The following SETDB2 variants were observed in gnomAD, a reference collection of about 807,000 sequenced individuals.
SETDB2 encodes the protein histone-lysine N-methyltransferase SETDB2.
In SETDB2, 56 loss-of-function variants were observed where a neutral mutation model predicts 82.5. The observed-to-expected ratio is 0.68, with a 90% CI of 0.55 to 0.85. The LOEUF is 0.85. SETDB2 is among the 40% of genes least tolerant of loss of function. SETDB2 has a pLI of 0.00. For missense variants in SETDB2, 677 were observed against 816.4 expected (o/e 0.83, Z 2.08); for synonymous variants, 272 against 284.9 (o/e 0.95, Z 0.46).
intron 2 of SETDB2, among the ~76,000 whole-genome samples, chr13:49,458,599 T>C (rs546871573): frequency 6.6e-6 from 1 of 152,356 alleles, no homozygotes; most frequent in African/African-American, 2.4e-5. Flanking sequence ...TCTTATTCTG[T>C]ATGTTCTCCC....
chr13:49,490,279 C>CAAA (rs60013535), intron 12 of SETDB2, among the ~76,000 whole-genome samples: 5,136 of 83,098 alleles, frequency 0.062, 874 homozygotes, highest in African/African-American at 0.21. Context: ...GACTCCGTCT[C>CAAA]AAAAAAAAAA....
At chr13:49,481,247 G>A (rs1257044891) in intron 8 of SETDB2, 131 bp downstream of exon 8, 3 of 743,328 alleles carry the variant, frequency 4.0e-6, no homozygotes, top group Non-Finnish European at 6.3e-6. Context: ...GAACATCAGA[G>A]AAAGGCAGGT....
chr13:49,485,139 G>T (rs1958570917), intron 10 of SETDB2, among the ~76,000 whole-genome samples: 1 of 152,226 alleles, frequency 6.6e-6, no homozygotes, highest in South Asian at 2.1e-4. Flanking sequence ...CAAGCATTGT[G>T]CTGAGTATAT....
At chr13:49,475,314 G>C (rs1958333693) in intron 5 of SETDB2, among the ~76,000 whole-genome samples, 2 of 152,142 alleles carry the variant, frequency 1.3e-5, no homozygotes, top group African/African-American at 2.4e-5. Context: ...TTCAAGATGA[G>C]ATTTGGGTAG....
intron 2 of SETDB2, among the ~76,000 whole-genome samples, chr13:49,457,726 T>TA: frequency 6.6e-6 from 1 of 152,106 alleles, no homozygotes; most frequent in East Asian, 1.9e-4. Context: ...ACCTAGCCTC[T>TA]AAAACAATTT....
intron 2 of SETDB2, among the ~76,000 whole-genome samples, chr13:49,455,339 G>A (rs4942831): frequency 0.74 from 112,412 of 151,978 alleles, 42,014 homozygotes; most frequent in African/African-American, 0.84. Context: ...TTGGAGTGTG[G>A]AGTCTGACAT....
rs546268851 is a variant in SETDB2, at chr13:49,463,779, A to T, written c.208+2617A>T. 3.3e-5 allele frequency among the ~76,000 whole-genome samples: 5 copies of T among 152,308 alleles called. 1 individual carries two copies. Among genetic ancestry groups the T allele is most frequent in the African/African-American group, 1.2e-4 (5 of 41,562 alleles). On this transcript the variant is annotated intron_variant, in intron 4 of 13. Coordinates refer to ENST00000611815, the MANE Select transcript of SETDB2 (RefSeq NM_001160308.3). The stretch of plus-strand genomic sequence containing the variant: ...GAAGTTACTAGTTACAGAGAACAGG[A>T]ATCTATACACTCATACCATAAGAGA...
Position 49,483,447 on chromosome 13 carries a change from T to A in SETDB2, c.1383-17T>A, listed in dbSNP as rs1207090780. 1 of 1,081,762 alleles carries A rather than the reference T, an allele frequency of 9.2e-7. No homozygotes were observed. The allele number at this position is 1,081,762 out of a possible 1,614,324, so 67.0% of individuals were successfully genotyped here. ...AGAATTTTTAGTGATACAGAATAAC[T>A]TTTTTTTCCTTTTTAGGGAAACGAA... is the stretch of plus-strand genomic sequence containing the variant. On this transcript the variant is annotated splice_polypyrimidine_tract_variant and intron_variant, in intron 9 of 13. Transcript: ENST00000611815.
At chr13:49,485,191 A>G (rs1958573177) in intron 10 of SETDB2, among the ~76,000 whole-genome samples, 1 of 152,258 alleles carries the variant, frequency 6.6e-6, no homozygotes, top group Admixed American at 6.5e-5. Flanking sequence ...AAGTGACTGC[A>G]GTGTCTACAA....
Position 49,494,535 on chromosome 13 carries a change from C to T in SETDB2, c.*2686C>T, listed in dbSNP as rs1430545222. 1 of 152,146 alleles carries T rather than the reference C, an allele frequency of 6.6e-6. No individual in the cohort carries two copies. Among genetic ancestry groups the T allele is most frequent in the Non-Finnish European group, 1.5e-5 (1 of 68,034 alleles). 9.4% of individuals were successfully genotyped at this position (152,146 alleles called of 1,614,324 possible). A position where few individuals can be genotyped will look rare whatever the true frequency, so the allele number is the denominator to read the frequency against. On this transcript the variant is annotated 3_prime_UTR_variant, in exon 14 of 14. Transcript: ENST00000611815. Reference sequence around the variant, plus strand: ...AAAGGGCTCTTTGTTTTACTATGACCTACCTGAGCTATCTTGCTGGGGAAC... The same window carrying T: ...AAAGGGCTCTTTGTTTTACTATGACTTACCTGAGCTATCTTGCTGGGGAAC...
Position 49,460,250 on chromosome 13 carries a change from CTT to C in SETDB2, c.142+20_142+21del. 5 of 1,608,316 alleles carry C rather than the reference CTT, an allele frequency of 3.1e-6. No individual in the cohort carries two copies. The highest frequency in any genetic ancestry group is 4.2e-6 in the Non-Finnish European group (5 of 1,178,244). On this transcript the variant is annotated intron_variant, in intron 3 of 13. Transcript: ENST00000611815. ...CAATAAAGGTATGAAGCAATAAAAA[CTT>C]TGAATATGTTTAATACTAAATATTT...
In SETDB2 at chr13:49,491,994, G is replaced by T; in HGVS notation, c.*145G>T. On this transcript the variant is annotated 3_prime_UTR_variant, in exon 14 of 14. Coordinates refer to ENST00000611815, the MANE Select transcript of SETDB2 (RefSeq NM_001160308.3). ...GTTTTATTTCAGATTTTATTTGTGT[G>T]ACTTAGAAATTCCAGGAACACAATT... 1.4e-6 allele frequency: 1 copy of T among 721,286 alleles called. No individual in the cohort carries two copies. Among genetic ancestry groups the T allele is most frequent in the Non-Finnish European group, 2.5e-6 (1 of 401,144 alleles). 44.7% of individuals were successfully genotyped at this position (721,286 alleles called of 1,614,324 possible).
Position 49,490,831 on chromosome 13 carries a change from T to G in SETDB2, c.1927T>G (p.Cys643Gly). ...TATTTTTATTTAACAGCATAGTTGT[T>G]GCCCAAATCTCTTGGTACAGAATGT... is the stretch of plus-strand genomic sequence containing the variant. ...NVGRFLNHSC[C>G]PNLLVQNVFV... Residue 643 changes from cysteine (C) to glycine (G), a missense_variant, in exon 13 of 14, where the codon TGC becomes GGC. By Grantham distance (159) the Cys-to-Gly change is radical. Coordinates refer to ENST00000611815, the MANE Select transcript of SETDB2 (RefSeq NM_001160308.3). 6.2e-7 allele frequency: 1 copy of G among 1,610,672 alleles called. No homozygotes were observed. The highest frequency in any genetic ancestry group is 8.5e-7 in the Non-Finnish European group (1 of 1,177,752).
chr13:49,484,403 G>A (rs1209809806), intron 10 of SETDB2, among the ~76,000 whole-genome samples: 1 of 152,110 alleles, frequency 6.6e-6, no homozygotes, highest in Non-Finnish European at 1.5e-5. Context: ...ATGAGTAGCT[G>A]GGATTACAGG....
At chr13:49,460,641 T>A (rs1417453641) in intron 3 of SETDB2, among the ~76,000 whole-genome samples, 1 of 119,906 alleles carries the variant, frequency 8.3e-6, no homozygotes, top group East Asian at 2.5e-4. Context: ...GTAATCCAAG[T>A]TTTTATTTTT....
intron 2 of SETDB2, among the ~76,000 whole-genome samples, chr13:49,459,712 T>C (rs1957956123): frequency 6.6e-6 from 1 of 152,196 alleles, no homozygotes; most frequent in Admixed American, 6.5e-5. Flanking sequence ...GTTGGACATT[T>C]AGTTATTTCA....
At chr13:49,477,108 T>C (rs1958381938) in intron 6 of SETDB2, 69 bp downstream of exon 6, 2 of 1,363,154 alleles carry the variant, frequency 1.5e-6, no homozygotes, top group Admixed American at 2.4e-5. Context: ...GAAGTCTTGC[T>C]ATGTATTAAT....
intron 2 of SETDB2, among the ~76,000 whole-genome samples, chr13:49,457,601 C>T (rs1405141040): frequency 6.6e-6 from 1 of 151,768 alleles, no homozygotes; most frequent in Non-Finnish European, 1.5e-5. Flanking sequence ...GCCCAGCTAA[C>T]TTTTTTGTGT....
intron 4 of SETDB2, chr13:49,464,145 A>G (rs1958054048): frequency 1.4e-6 from 1 of 740,332 alleles, no homozygotes; most frequent in South Asian, 1.5e-5. Context: ...CTTCAAAGAT[A>G]AATGGGTCCT....
Sources: gnomAD v4.1 joint callset for allele counts (sites outside exome capture counted in the v4.1 genomes callset) on GRCh38, gnomAD v4.1.1 for gene constraint, MANE v1.5 for transcripts, NCBI Gene and HGNC (gene_info 2026-07-23, HGNC 2026-07-21) for gene names.